The following MINAR1 variants were observed in gnomAD, a reference collection of about 807,000 sequenced individuals.
MINAR1 encodes major intrinsically disordered Notch2-binding receptor 1.
MINAR1 carries 40 observed loss-of-function variants against 65.1 expected under a neutral mutation model. That is an observed-to-expected ratio of 0.61 (90% confidence interval 0.48 to 0.80). MINAR1 has a LOEUF of 0.80. Among genes scored for constraint, MINAR1 ranks in the 30% least tolerant of loss-of-function variants. The pLI is 0.00. For synonymous variants in MINAR1, 482 were observed against 449.1 expected (o/e 1.07, Z -0.93); for missense variants, 1,128 against 1,148.0 (o/e 0.98, Z 0.25).
chr15:79,419,101 C>T, the MINAR1 span: 32 of 152,126 alleles, frequency 2.1e-4, no homozygotes, highest in African/African-American at 7.7e-4. Flanking sequence ...GGTGTTGGTT[C>T]ATGCCTCGGC....
the MINAR1 span, chr15:79,416,453 A>G: frequency 6.6e-6 from 1 of 152,212 alleles, no homozygotes; most frequent in Non-Finnish European, 1.5e-5. Flanking sequence ...CAGCAATGTG[A>G]TCTCTTTCCA....
intron 1 of MINAR1, among the ~76,000 whole-genome samples, chr15:79,452,114 TGTG>T (rs1370635683): frequency 1.3e-5 from 2 of 152,132 alleles, no homozygotes; most frequent in South Asian, 2.1e-4. Context: ...TTGTGTGAAT[TGTG>T]TGTACACATG....
At chr15:79,431,022 A>G (rs116858502), upstream of MINAR1, among the ~76,000 whole-genome samples, 1,089 of 152,272 alleles carry the variant, frequency 7.2e-3, 51 homozygotes, top group East Asian at 0.14. Flanking sequence ...GGAGGCTGAG[A>G]CTGAGATCTG....
intron 1 of MINAR1, among the ~76,000 whole-genome samples, chr15:79,435,525 A>C (rs1183886413): frequency 6.6e-6 from 1 of 152,218 alleles, no homozygotes; most frequent in Admixed American, 6.5e-5. Context: ...ATCCTCCTGG[A>C]TGGCTAGCTA....
chr15:79,453,924 C>T (rs1214636703), intron 1 of MINAR1, among the ~76,000 whole-genome samples: 1 of 152,196 alleles, frequency 6.6e-6, no homozygotes, highest in Non-Finnish European at 1.5e-5. Context: ...GTAGGACACA[C>T]ATGGGATTAG....
intron 1 of MINAR1, among the ~76,000 whole-genome samples, chr15:79,452,646 GTGTC>G (rs1436184388): frequency 3.2e-4 from 48 of 149,978 alleles, no homozygotes; most frequent in South Asian, 3.2e-3. Flanking sequence ...GTGTGGGTGT[GTGTC>G]TGGGTGAGTG....
At chr15:79,450,462 TTC>T (rs1241302014) in intron 1 of MINAR1, among the ~76,000 whole-genome samples, 1 of 152,018 alleles carries the variant, frequency 6.6e-6, no homozygotes, top group Non-Finnish European at 1.5e-5. Flanking sequence ...CCCCCATTAA[TTC>T]TGAGTGAGCA....
intron 1 of MINAR1, 93 bp downstream of exon 1, chr15:79,432,633 A>C: frequency 6.6e-6 from 1 of 152,224 alleles, no homozygotes; most frequent in East Asian, 2.0e-4. Context: ...GGCTCGGTGC[A>C]CACGCGCGCG....
chr15:79,468,897 T>TTTATCA lies in MINAR1; in HGVS notation c.*514_*519dup, dbSNP rs1469655295. On this transcript the variant is annotated 3_prime_UTR_variant, in exon 4 of 4. Coordinates refer to ENST00000305428, the MANE Select transcript of MINAR1 (RefSeq NM_015206.3). The stretch of plus-strand genomic sequence containing the variant: ...AAAGGGTATTACTTCTCTGTCGACT[T>TTTATCA]TTATCAAGGGCTACTGACGTTTCAT... The TTTATCA allele has an allele frequency of 1.2e-5, 2 of 161,328 alleles. No individual in the cohort carries two copies. Among genetic ancestry groups the TTTATCA allele is most frequent in the African/African-American group, 4.8e-5 (2 of 41,492 alleles). The allele number at this position is 161,328 out of a possible 1,614,324, so 10.0% of individuals were successfully genotyped here.
intron 1 of MINAR1, 99 bp from the exon 2 acceptor site, chr15:79,455,999 C>T (rs60387955): frequency 0.32 from 207,865 of 655,270 alleles, 35,682 homozygotes; most frequent in East Asian, 0.56. Flanking sequence ...ATGTTTTTCT[C>T]TGTATTTCTT....
At position 79,452,436 on chromosome 15, in the gene MINAR1, CTGTGTGAGTG is replaced by C. The variant is rs1180141972; in HGVS notation, c.-50-3655_-50-3646del. The stretch of plus-strand genomic sequence containing the variant: ...AAGCTGTATGAGTGTGTGGGTGAGT[CTGTGTGAGTG>C]TGTGTGGGTGTGAGTCTGGGTGTGA... On this transcript the variant is annotated intron_variant, in intron 1 of 3. Coordinates refer to ENST00000305428, the MANE Select transcript of MINAR1 (RefSeq NM_015206.3). 2.0e-5 allele frequency among the ~76,000 whole-genome samples: 3 copies of C among 150,000 alleles called. No homozygotes were observed. The South Asian group carries it at 6.4e-4, about 32-fold the overall frequency.
At chr15:79,415,778 G>C in the MINAR1 span, 1 of 152,184 alleles carries the variant, frequency 6.6e-6, no homozygotes, top group South Asian at 2.1e-4. Context: ...TCCCAGAAAA[G>C]GTCAAGAAGC....
chr15:79,442,592 G>GAAAA (rs35688303), intron 1 of MINAR1, among the ~76,000 whole-genome samples: 3 of 122,750 alleles, frequency 2.4e-5, no homozygotes, highest in East Asian at 2.3e-4. Flanking sequence ...CCATAAAAAT[G>GAAAA]AAAAAAAAAA....
chr15:79,447,615 T>C (rs1202166265), intron 1 of MINAR1, among the ~76,000 whole-genome samples: 11 of 152,220 alleles, frequency 7.2e-5, no homozygotes, highest in Admixed American at 6.5e-4. Context: ...GGTGCTCCTA[T>C]GCACCTTTGA....
At chr15:79,440,680 C>G (rs1264160391) in intron 1 of MINAR1, among the ~76,000 whole-genome samples, 1 of 152,194 alleles carries the variant, frequency 6.6e-6, no homozygotes, top group African/African-American at 2.4e-5. Context: ...CCCCACCACC[C>G]AGGCAGGCAC....
rs111568849 is a variant in MINAR1 at position 79,457,888 on chromosome 15, C to T, written c.1741C>T (p.Arg581Trp). The T allele has an allele frequency of 2.0e-4, 323 of 1,614,052 alleles. No homozygotes were observed. Among genetic ancestry groups the T allele is most frequent in the African/African-American group, 1.8e-3 (135 of 75,024 alleles). The change falls in exon 2 of 4, where the codon CGG (arginine) becomes TGG (tryptophan). Residue 581 changes from arginine (R) to tryptophan (W), a missense_variant. Transcript: ENST00000305428. ...VPNSKGDKGNRPENTHHSEEE... is the reference protein window; with the variant it reads ...VPNSKGDKGNWPENTHHSEEE... The stretch of plus-strand genomic sequence containing the variant: ...CAACAGCAAGGGAGACAAGGGCAAC[C>T]GGCCTGAAAACACCCACCACTCGGA...
At chr15:79,436,224 T>G (rs747738398) in intron 1 of MINAR1, among the ~76,000 whole-genome samples, 2 of 152,240 alleles carry the variant, frequency 1.3e-5, no homozygotes, top group Non-Finnish European at 2.9e-5. Context: ...CATACGTGAC[T>G]GATGCAACAT....
At chr15:79,438,417 T>G (rs1595930772) in intron 1 of MINAR1, among the ~76,000 whole-genome samples, 1 of 11,598 alleles carries the variant, frequency 8.6e-5, no homozygotes, top group Non-Finnish European at 2.1e-4. Flanking sequence ...GGGTAGTGAG[T>G]GTGTGGAGTG....
intron 1 of MINAR1, among the ~76,000 whole-genome samples, chr15:79,435,459 A>G (rs56887120): frequency 0.09 from 13,684 of 152,130 alleles, 1,712 homozygotes; most frequent in African/African-American, 0.28. Flanking sequence ...AATGTTTCCA[A>G]TGAAATGTTG....
Sources: gnomAD v4.1 joint callset for allele counts (sites outside exome capture counted in the v4.1 genomes callset) on GRCh38, gnomAD v4.1.1 for gene constraint, MANE v1.5 for transcripts, NCBI Gene and HGNC (gene_info 2026-07-23, HGNC 2026-07-21) for gene names.